Variants in SPMAP1 observed in about 807,000 individuals in gnomAD.
The protein encoded by SPMAP1 is uncharacterized protein C17orf98.
the SPMAP1 span, chr17:38,837,238 A>T: frequency 6.2e-7 from 1 of 1,611,356 alleles, no homozygotes; most frequent in Non-Finnish European, 8.5e-7. Flanking sequence ...TACCGCCATG[A>T]TCCTGAAAGT....
At chr17:38,841,135 A>C in the SPMAP1 span, 2 of 1,451,242 alleles carry the variant, frequency 1.4e-6, no homozygotes, top group East Asian at 2.3e-5. Context: ...AGAACGCTGG[A>C]GTGAAGATTT....
chr17:38,837,681 A>G, the SPMAP1 span, among the ~76,000 whole-genome samples: 1 of 151,504 alleles, frequency 6.6e-6, no homozygotes, highest in Non-Finnish European at 1.5e-5. Context: ...TCCATCTAAA[A>G]AAAAAAAAAA....
chr17:38,837,162 T>C, the SPMAP1 span: 1 of 1,613,566 alleles, frequency 6.2e-7, no homozygotes, highest in Non-Finnish European at 8.5e-7. Flanking sequence ...CAATTTCTCC[T>C]GTTGAGGTAT....
chr17:38,838,222 T>C, the SPMAP1 span, among the ~76,000 whole-genome samples: 1 of 152,092 alleles, frequency 6.6e-6, no homozygotes, highest in African/African-American at 2.4e-5. Context: ...ATAAAGGGCC[T>C]GGCATAGTAA....
At chr17:38,835,304 G>A in the SPMAP1 span, 1 of 1,614,192 alleles carries the variant, frequency 6.2e-7, no homozygotes. Context: ...TTTCAGATCA[G>A]CATTGTAGTG....
the SPMAP1 span, chr17:38,841,349 C>G: frequency 3.1e-6 from 5 of 1,614,066 alleles, no homozygotes; most frequent in Non-Finnish European, 4.2e-6. Flanking sequence ...CAAGATAAAG[C>G]CTTTCTCCAG....
At chr17:38,840,117 A>G in the SPMAP1 span, among the ~76,000 whole-genome samples, 1 of 152,110 alleles carries the variant, frequency 6.6e-6, no homozygotes, top group Non-Finnish European at 1.5e-5. Context: ...TAGGAGGGAA[A>G]AGGCCAGGGG....
chr17:38,839,134 T>C, the SPMAP1 span, among the ~76,000 whole-genome samples: 4 of 142,836 alleles, frequency 2.8e-5, no homozygotes, highest in African/African-American at 7.8e-5. Context: ...TTTCAAAATA[T>C]GTATACCCTA....
At chr17:38,837,172 T>A in the SPMAP1 span, 1 of 1,613,910 alleles carries the variant, frequency 6.2e-7, no homozygotes, top group Non-Finnish European at 8.5e-7. Context: ...TGTTGAGGTA[T>A]CTTTGTCCTT....
the SPMAP1 span, chr17:38,837,087 G>A: frequency 2.4e-6 from 3 of 1,244,262 alleles, no homozygotes; most frequent in Non-Finnish European, 3.6e-6. Context: ...CCTCAACCAG[G>A]CCTTGCTATG....
the SPMAP1 span, chr17:38,835,158 A>G: frequency 6.2e-7 from 1 of 1,605,496 alleles, no homozygotes; most frequent in Non-Finnish European, 8.5e-7. Context: ...TTAGAAATTC[A>G]GGTCGATGGC....
chr17:38,835,233 T>G, the SPMAP1 span: 1 of 1,614,228 alleles, frequency 6.2e-7, no homozygotes, highest in East Asian at 2.2e-5. Flanking sequence ...ACGGACGTGC[T>G]CTGACGGAGG....
At chr17:38,840,351 C>A in the SPMAP1 span, among the ~76,000 whole-genome samples, 8 of 152,226 alleles carry the variant, frequency 5.3e-5, no homozygotes, top group South Asian at 1.7e-3. Flanking sequence ...TCTGTGACGT[C>A]ACAAAAGACA....
At chr17:38,835,915 T>TTTTG in the SPMAP1 span, among the ~76,000 whole-genome samples, 13 of 151,912 alleles carry the variant, frequency 8.6e-5, no homozygotes, top group African/African-American at 2.9e-4. Context: ...AGCAGAATCT[T>TTTTG]TTTGTTTGTT....
At chr17:38,838,647 C>T in the SPMAP1 span, among the ~76,000 whole-genome samples, 60 of 152,216 alleles carry the variant, frequency 3.9e-4, no homozygotes, top group Non-Finnish European at 6.2e-4. Flanking sequence ...GGCATGGTGG[C>T]ACACGCCTAT....
chr17:38,835,556 C>T, the SPMAP1 span, among the ~76,000 whole-genome samples: 1 of 152,212 alleles, frequency 6.6e-6, no homozygotes, highest in Non-Finnish European at 1.5e-5. Context: ...AAATAAAACC[C>T]CGCACCAGGA....
At chr17:38,835,430 C>T in the SPMAP1 span, 1 of 1,432,348 alleles carries the variant, frequency 7.0e-7, no homozygotes, top group East Asian at 2.3e-5. Context: ...GTATGGGATG[C>T]CAACCAGGCG....
chr17:38,836,585 C>CTTTTTTTTTTTTTTTTTTTT, the SPMAP1 span, among the ~76,000 whole-genome samples: 1 of 58,428 alleles, frequency 1.7e-5, no homozygotes, highest in African/African-American at 5.6e-5. Flanking sequence ...TTCTTTCTTT[C>CTTTTTTTTTTTTTTTTTTTT]TTTTTTTTTT....
the SPMAP1 span, chr17:38,837,117 G>A: frequency 3.4e-5 from 52 of 1,527,208 alleles, no homozygotes; most frequent in South Asian, 5.8e-4. Flanking sequence ...CCATGATGAG[G>A]CTAGAAATGG....
Sources: gnomAD v4.1 joint callset for allele counts (sites outside exome capture counted in the v4.1 genomes callset) on GRCh38, gnomAD v4.1.1 for gene constraint, MANE v1.5 for transcripts, NCBI Gene and HGNC (gene_info 2026-07-23, HGNC 2026-07-21) for gene names.